Variants in SLC11A2 observed in about 807,000 individuals in gnomAD.
SLC11A2 encodes the protein solute carrier family 11 member 2, also known as natural resistance-associated macrophage protein 2.
A neutral mutation model predicts 68.0 loss-of-function variants in SLC11A2; 38 were observed. That is an observed-to-expected ratio of 0.56 (90% CI 0.43 to 0.73). The LOEUF is 0.73. Among genes scored for constraint, SLC11A2 ranks in the 30% least tolerant of loss-of-function variants. The pLI, the probability that SLC11A2 is intolerant of heterozygous loss-of-function variation, is 0.00. For synonymous variants in SLC11A2, 242 were observed against 250.6 expected, an observed-to-expected ratio of 0.97 and a Z score of 0.32; for missense variants, 517 against 690.5, an observed-to-expected ratio of 0.75 and a Z score of 2.82.
rs1480893600 is a variant in SLC11A2 at position 50,996,776 on chromosome 12, T to C, written c.831+41A>G. ...CTTGCAATTGAAGGAAAAGATCCCA[T>C]GAACTGTCTAGGAGGTGAAGGAGAT... On this transcript the variant is annotated intron_variant, in intron 9 of 15. Coordinates refer to ENST00000262052, the MANE Select transcript of SLC11A2 (RefSeq NM_000617.3). The C allele has an allele frequency of 3.1e-6, 5 of 1,601,116 alleles. 1 individual carries two copies. The East Asian group carries it at 8.9e-5, about 29-fold the overall frequency.
At chr12:50,963,321 A>G in the SLC11A2 span, among the ~76,000 whole-genome samples, 26,640 of 148,426 alleles carry the variant, frequency 0.18, 2,780 homozygotes, top group East Asian at 0.49. Flanking sequence ...AGTGAACCAA[A>G]ACCACGCCAC....
chr12:51,023,668 T>C (rs1327169566), intron 1 of SLC11A2, among the ~76,000 whole-genome samples: 5 of 152,144 alleles, frequency 3.3e-5, no homozygotes, highest in East Asian at 3.8e-4. Flanking sequence ...GTCATTCCCA[T>C]GCCTCTCAGG....
Position 50,990,811 on chromosome 12 carries a change from C to A in SLC11A2, c.1559G>T (p.Gly520Val), listed in dbSNP as rs1164984644. Residue 520 changes from glycine (G) to valine (V), a missense_variant, in exon 15 of 16, where the codon GGC becomes GTC. Transcript: ENST00000262052. The part of the protein sequence containing the change: ...VAAVVSVAYL[G>V]FVFYLGWQCL... ...TAGACTTACCAAGTAGAACACAAAGCCCAGATAAGCCACGCTGACCACAGC... is the reference window on the plus strand; with the variant it reads ...TAGACTTACCAAGTAGAACACAAAGACCAGATAAGCCACGCTGACCACAGC... 6.2e-7 allele frequency: 1 copy of A among 1,614,014 alleles called. No individual in the cohort carries two copies. The highest frequency in any genetic ancestry group is 1.3e-5 in the African/African-American group (1 of 75,018).
chr12:51,026,356 C>T lies in SLC11A2; in HGVS notation c.-85G>A, dbSNP rs768300267. ...TGACACGCCGCCCCCGCGCCCAGGG[C>T]TCCATATTCCGGGAGCCAGCGCCAC... is the stretch of plus-strand genomic sequence containing the variant. On this transcript the variant is annotated 5_prime_UTR_variant, in exon 1 of 16. Coordinates refer to ENST00000262052, the MANE Select transcript of SLC11A2 (RefSeq NM_000617.3). The T allele has an allele frequency of 2.3e-6, 3 of 1,282,276 alleles. No homozygotes were observed. The highest frequency in any genetic ancestry group is 3.0e-5 in the African/African-American group (2 of 65,640). 79.4% of individuals were successfully genotyped at this position (1,282,276 alleles called of 1,614,324 possible).
chr12:51,027,750 C>T (rs1225706742), upstream of SLC11A2, among the ~76,000 whole-genome samples: 1 of 152,194 alleles, frequency 6.6e-6, no homozygotes, highest in East Asian at 1.9e-4. Flanking sequence ...ACCCCTCGCA[C>T]TGCTTACAGC....
At chr12:50,964,126 G>A in the SLC11A2 span, among the ~76,000 whole-genome samples, 1 of 149,916 alleles carries the variant, frequency 6.7e-6, no homozygotes, top group African/African-American at 2.4e-5. Flanking sequence ...TAGATGATAG[G>A]TAAATGGACG....
chr12:51,016,017 T>C (rs1943621709), intron 1 of SLC11A2, among the ~76,000 whole-genome samples: 1 of 151,684 alleles, frequency 6.6e-6, no homozygotes, highest in Non-Finnish European at 1.5e-5. Flanking sequence ...TCTCCTGACC[T>C]TGTGATCTGC....
downstream of SLC11A2, chr12:50,981,800 G>T: frequency 6.6e-7 from 1 of 1,510,884 alleles, no homozygotes; most frequent in Non-Finnish European, 8.8e-7. Context: ...AATCCCAGAT[G>T]GCACTAAGGA....
intron 1 of SLC11A2, chr12:51,026,098 T>G: frequency 9.1e-7 from 1 of 1,093,540 alleles, no homozygotes; most frequent in Non-Finnish European, 1.1e-6. Context: ...CCCCCATCTT[T>G]GGGTCTTTCT....
At chr12:50,976,064 C>T (rs1287179928), downstream of SLC11A2, among the ~76,000 whole-genome samples, 1 of 152,140 alleles carries the variant, frequency 6.6e-6, no homozygotes, top group African/African-American at 2.4e-5. Context: ...ACCAGAGGTA[C>T]AAGGAGGAGC....
chr12:50,977,696 A>G (rs1592279575), downstream of SLC11A2, among the ~76,000 whole-genome samples: 1 of 152,218 alleles, frequency 6.6e-6, no homozygotes, highest in East Asian at 1.9e-4. Context: ...AACTACCATC[A>G]GAGTGAACAG....
At chr12:51,001,766 C>G (rs1942266990) in intron 5 of SLC11A2, among the ~76,000 whole-genome samples, 2 of 151,844 alleles carry the variant, frequency 1.3e-5, no homozygotes, top group South Asian at 2.1e-4. Context: ...CCCCAGTGGT[C>G]AAGGCTGCAG....
Position 50,990,892 on chromosome 12 carries a change from TA to T in SLC11A2, c.1477del (p.Tyr493ThrfsTer3), listed in dbSNP as rs1332943306. 1.2e-6 allele frequency: 2 copies of T among 1,613,826 alleles called. No individual in the cohort carries two copies. Among genetic ancestry groups the T allele is most frequent in the African/African-American group, 2.7e-5 (2 of 74,870 alleles). ...LVLIICSINM[Y>X]FVVVYVRDLG... ...GTCCCGGACATAAACCACTACAAAG[TA>T]CATATTGATGGAACAGATGATAAGG... On this transcript the variant is annotated frameshift_variant, in exon 15 of 16. Coordinates refer to ENST00000262052, the MANE Select transcript of SLC11A2 (RefSeq NM_000617.3). LOFTEE classifies it high-confidence loss of function.
At chr12:50,961,235 C>A in the SLC11A2 span, 1 of 941,648 alleles carries the variant, frequency 1.1e-6, no homozygotes, top group East Asian at 2.7e-5. Context: ...GACTGATCTT[C>A]CCTTAGTTGA....
rs896802347 is a variant in SLC11A2 at position 50,988,058 on chromosome 12, G to A, written c.*267C>T. The A allele has an allele frequency of 1.4e-5, 19 of 1,406,314 alleles. No homozygotes were observed. The African/African-American group carries it at 2.7e-4, about 20-fold the overall frequency. 87.1% of individuals were successfully genotyped at this position (1,406,314 alleles called of 1,614,324 possible). A position where few individuals can be genotyped will look rare whatever the true frequency, so the allele number is the denominator to read the frequency against. ...AAGGATAAACTGAGCTGGCCCTTGG[G>A]CAACTACTTAAGAATTTAGTGTTGG... On this transcript the variant is annotated 3_prime_UTR_variant, in exon 16 of 16. Transcript: ENST00000262052.
chr12:50,978,252 A>T (rs12366310), downstream of SLC11A2, among the ~76,000 whole-genome samples: 18,945 of 145,186 alleles, frequency 0.13, 1,413 homozygotes, highest in South Asian at 0.22. Context: ...CAAATGTCCA[A>T]CAATGATAGA....
chr12:50,970,163 G>C, the SLC11A2 span, among the ~76,000 whole-genome samples: 1 of 152,112 alleles, frequency 6.6e-6, no homozygotes, highest in Non-Finnish European at 1.5e-5. Flanking sequence ...TTCACATCTG[G>C]TCAAATTTGC....
chr12:50,959,423 T>C, the SLC11A2 span, among the ~76,000 whole-genome samples: 1 of 152,108 alleles, frequency 6.6e-6, no homozygotes, highest in Non-Finnish European at 1.5e-5. Flanking sequence ...CCCGGCCCCA[T>C]ATCCTCTTAT....
chr12:50,997,169 C>G (rs1175448646), intron 8 of SLC11A2, among the ~76,000 whole-genome samples, 197 bp from the exon 9 acceptor site: 1 of 152,060 alleles, frequency 6.6e-6, no homozygotes, highest in Non-Finnish European at 1.5e-5. Context: ...CCTCAATCTC[C>G]CAAGAACAAG....
Sources: gnomAD v4.1 joint callset for allele counts (sites outside exome capture counted in the v4.1 genomes callset) on GRCh38, gnomAD v4.1.1 for gene constraint, MANE v1.5 for transcripts, NCBI Gene and HGNC (gene_info 2026-07-23, HGNC 2026-07-21) for gene names.